The following PSTPIP2 variants were observed in gnomAD, a reference collection of about 807,000 sequenced individuals.
PSTPIP2 encodes the protein proline-serine-threonine phosphatase-interacting protein 2.
A neutral mutation model predicts 63.3 loss-of-function variants in PSTPIP2; 33 were observed. The observed-to-expected ratio is 0.52, with a 90% CI of 0.40 to 0.70. PSTPIP2 has a LOEUF of 0.70. PSTPIP2 is among the 30% of genes least tolerant of loss of function. The pLI is 0.00. For missense variants in PSTPIP2, 312 were observed against 400.7 expected, an observed-to-expected ratio of 0.78 and a Z score of 1.89; for synonymous variants, 125 against 132.7, an observed-to-expected ratio of 0.94 and a Z score of 0.40.
At chr18:46,070,791 A>G (rs1909368016) in intron 1 of PSTPIP2, among the ~76,000 whole-genome samples, 1 of 152,152 alleles carries the variant, frequency 6.6e-6, no homozygotes, top group East Asian at 1.9e-4. Flanking sequence ...ACGTGCTGGG[A>G]TCACAGGCAT....
At chr18:45,988,120 T>C (rs1488889551) in intron 14 of PSTPIP2, among the ~76,000 whole-genome samples, 1 of 152,112 alleles carries the variant, frequency 6.6e-6, no homozygotes, top group East Asian at 1.9e-4. Flanking sequence ...GTAATAACTA[T>C]AAAAGAGCTT....
At position 46,070,411 on chromosome 18, in the gene PSTPIP2, T is replaced by A. The variant is rs955446725; in HGVS notation, c.33+1745A>T. On this transcript the variant is annotated intron_variant, in intron 1 of 14. Transcript: ENST00000409746. The stretch of plus-strand genomic sequence containing the variant: ...GCATCCCTGGCATGGGGCTGAGGGG[T>A]GGAGGCTGGTGGGGAGGGGCTTAGC... Among the ~76,000 whole-genome samples the A allele has an allele frequency of 1.8e-3, 277 of 151,300 alleles. 1 individual carries two copies. The highest frequency in any genetic ancestry group is 6.4e-3 in the African/African-American group (264 of 41,460).
At chr18:46,009,981 G>C (rs2051777885) in intron 5 of PSTPIP2, among the ~76,000 whole-genome samples, 2 of 152,158 alleles carry the variant, frequency 1.3e-5, no homozygotes. Flanking sequence ...CACCTGACAG[G>C]GTGTTCCCAT....
chr18:46,042,007 T>C (rs927641604), intron 1 of PSTPIP2, among the ~76,000 whole-genome samples: 3 of 152,204 alleles, frequency 2.0e-5, no homozygotes, highest in African/African-American at 4.8e-5. Context: ...GATGGCCTAG[T>C]TGAGCAGACA....
intron 1 of PSTPIP2, among the ~76,000 whole-genome samples, chr18:46,054,686 A>G (rs1178690074): frequency 6.8e-6 from 1 of 146,616 alleles, no homozygotes; most frequent in Non-Finnish European, 1.5e-5. Context: ...TTTGAGACAG[A>G]GTCTTGCTCT....
chr18:46,049,971 G>A (rs1311302949), intron 1 of PSTPIP2, among the ~76,000 whole-genome samples: 1 of 152,094 alleles, frequency 6.6e-6, no homozygotes, highest in Non-Finnish European at 1.5e-5. Context: ...CGGTCAGTAA[G>A]CAATTTTTAA....
At chr18:46,062,629 A>G (rs913299716) in intron 1 of PSTPIP2, among the ~76,000 whole-genome samples, 2 of 151,988 alleles carry the variant, frequency 1.3e-5, no homozygotes, top group African/African-American at 2.4e-5. Context: ...GGTTCAAGCA[A>G]TTCTCCTCCT....
chr18:46,062,996 A>G (rs542543032), intron 1 of PSTPIP2, among the ~76,000 whole-genome samples: 2 of 152,138 alleles, frequency 1.3e-5, no homozygotes, highest in African/African-American at 4.8e-5. Flanking sequence ...TTAAGCCCTC[A>G]TACTCAAAAG....
rs576368052 is a variant in PSTPIP2 at position 46,071,034 on chromosome 18, G to A, written c.33+1122C>T. On this transcript the variant is annotated intron_variant, in intron 1 of 14. Transcript: ENST00000409746. Reference sequence around the variant, plus strand: ...GTGAGAGCCATCTGTGGTGCCCTTGGTTCCTCTGTGAGGCTGCCACCACCC... The same window carrying A: ...GTGAGAGCCATCTGTGGTGCCCTTGATTCCTCTGTGAGGCTGCCACCACCC... Among the ~76,000 whole-genome samples, 4 of 152,190 alleles carry A rather than the reference G, an allele frequency of 2.6e-5. No individual in the cohort carries two copies. The East Asian group carries it at 7.7e-4, about 29-fold the overall frequency.
rs749589861 is a variant in PSTPIP2 at position 45,992,112 on chromosome 18, G to A, written c.832C>T (p.Pro278Ser). 6.2e-7 allele frequency: 1 copy of A among 1,607,082 alleles called. No individual in the cohort carries two copies. The highest frequency in any genetic ancestry group is 8.5e-7 in the Non-Finnish European group (1 of 1,176,170). ...FVNQRKTGQIPPAPIMYENFY... is the reference protein window; with the variant it reads ...FVNQRKTGQISPAPIMYENFY... ...ACCCCACTGCCCCATTCACCTGGTG[G>A]AATCTGTCCAGTTTTGCGTTGATTC... Residue 278 changes from proline to serine, a missense_variant, in exon 11 of 15, where the codon CCA becomes TCA. Coordinates refer to ENST00000409746, the MANE Select transcript of PSTPIP2 (RefSeq NM_024430.4).
chr18:46,006,207 C>T (rs927984423), intron 5 of PSTPIP2, among the ~76,000 whole-genome samples: 2 of 151,916 alleles, frequency 1.3e-5, no homozygotes, highest in Non-Finnish European at 2.9e-5. Context: ...GCCTGCACCA[C>T]CACACCTGGC....
intron 2 of PSTPIP2, chr18:46,029,372 G>A (rs1220549251): frequency 8.3e-6 from 13 of 1,557,044 alleles, no homozygotes; most frequent in East Asian, 2.2e-5. Context: ...CAGCATCCAC[G>A]TTCTCTTCAG....
intron 13 of PSTPIP2, among the ~76,000 whole-genome samples, chr18:45,989,044 C>A (rs2051496385): frequency 6.6e-6 from 1 of 152,188 alleles, no homozygotes; most frequent in East Asian, 1.9e-4. Context: ...TCCTACATTA[C>A]CAAGTGGTAA....
At chr18:46,039,129 C>G (rs1908092948) in intron 2 of PSTPIP2, among the ~76,000 whole-genome samples, 1 of 152,178 alleles carries the variant, frequency 6.6e-6, no homozygotes. Context: ...TAATTTGAAT[C>G]TTGGCAAGGA....
At chr18:45,996,419 C>A (rs2051594610) in intron 9 of PSTPIP2, among the ~76,000 whole-genome samples, 1 of 152,134 alleles carries the variant, frequency 6.6e-6, no homozygotes, top group Non-Finnish European at 1.5e-5. Context: ...GGTCTGAGAA[C>A]CTGCATTTCT....
At chr18:45,987,098 C>A (rs547709279) in intron 14 of PSTPIP2, among the ~76,000 whole-genome samples, 13 of 152,294 alleles carry the variant, frequency 8.5e-5, no homozygotes, top group Admixed American at 3.3e-4. Flanking sequence ...CTCAGCCTCC[C>A]AAAGTGCTGG....
rs548032633 is a variant in PSTPIP2 at position 46,014,396 on chromosome 18, G to A, written c.247+1507C>T. Reference sequence around the variant, plus strand: ...TAAATAAATAAGAATTCTTAAGGAAGAAACAGGATGTGGTTCTAAAAAGAC... The same window carrying A: ...TAAATAAATAAGAATTCTTAAGGAAAAAACAGGATGTGGTTCTAAAAAGAC... On this transcript the variant is annotated intron_variant, in intron 4 of 14. Coordinates refer to ENST00000409746, the MANE Select transcript of PSTPIP2 (RefSeq NM_024430.4). Among the ~76,000 whole-genome samples, 813 of 152,230 alleles carry A rather than the reference G, an allele frequency of 5.3e-3. 9 individuals carry two copies. The highest frequency in any genetic ancestry group is 0.014 in the Middle Eastern group (4 of 292).
At chr18:46,043,224 TAAAAAAA>T (rs34454812) in intron 1 of PSTPIP2, among the ~76,000 whole-genome samples, 1 of 77,318 alleles carries the variant, frequency 1.3e-5, no homozygotes, top group African/African-American at 5.8e-5. Flanking sequence ...CACCTCTCCT[TAAAAAAA>T]AAAAAAAAAA....
intron 4 of PSTPIP2, among the ~76,000 whole-genome samples, chr18:46,014,573 C>T (rs558394108): frequency 4.6e-5 from 7 of 152,150 alleles, no homozygotes; most frequent in Admixed American, 2.6e-4. Context: ...ATTAGCCAGA[C>T]GTAGTGGTGC....
Sources: gnomAD v4.1 joint callset for allele counts (sites outside exome capture counted in the v4.1 genomes callset) on GRCh38, gnomAD v4.1.1 for gene constraint, MANE v1.5 for transcripts, NCBI Gene and HGNC (gene_info 2026-07-23, HGNC 2026-07-21) for gene names.